The following ROBO2 variants were observed in gnomAD, a reference collection of about 807,000 sequenced individuals.
The protein encoded by ROBO2 is roundabout homolog 2.
A neutral mutation model predicts 160.8 loss-of-function variants in ROBO2; 53 were observed. The observed-to-expected ratio is 0.33, with a 90% confidence interval of 0.26 to 0.41. The LOEUF (loss-of-function observed/expected upper bound fraction) is 0.41. Among genes scored for constraint, ROBO2 ranks in the 10% least tolerant of loss-of-function variants. The probability of loss-of-function intolerance (pLI) is 1.00; values close to 1 mark genes in which losing one functional copy is unlikely to be tolerated. For synonymous variants in ROBO2, 664 were observed against 611.7 expected (o/e 1.09, Z -1.26); for missense variants, 1,577 against 1,722.4 (o/e 0.92, Z 1.49).
In ROBO2 at chr3:77,363,722, G is replaced by A. The variant is rs146813695; in HGVS notation, c.389-113692G>A. Among the ~76,000 whole-genome samples, 230 of 152,316 alleles carry A rather than the reference G, an allele frequency of 1.5e-3. 1 individual carries two copies. The highest frequency in any genetic ancestry group is 3.4e-3 in the Middle Eastern group (1 of 294). The stretch of plus-strand genomic sequence containing the variant: ...AACATTTCTTCCTCCCTGGTATAGG[G>A]CACAGCCCCACTGGAATGAGGGTCT... On this transcript the variant is annotated intron_variant, in intron 2 of 25. Transcript: ENST00000461745.
chr3:76,605,650 G>A (rs932164159), intron 2 of ROBO2, among the ~76,000 whole-genome samples: 2 of 152,136 alleles, frequency 1.3e-5, no homozygotes, highest in African/African-American at 4.8e-5. Context: ...TTGCTTAGAG[G>A]AGGGAGCTGG....
chr3:77,077,464 C>T (rs186738678), intron 1 of ROBO2, among the ~76,000 whole-genome samples: 7 of 151,540 alleles, frequency 4.6e-5, no homozygotes, highest in South Asian at 2.1e-4. Context: ...AATGGATAAA[C>T]GACTTCTGAG....
chr3:76,510,368 A>C (rs2081024209), intron 2 of ROBO2, among the ~76,000 whole-genome samples: 1 of 152,212 alleles, frequency 6.6e-6, no homozygotes, highest in African/African-American at 2.4e-5. Flanking sequence ...CACCATATAC[A>C]ACCTGAGGAA....
chr3:75,975,522 T>C (rs1309112992), intron 2 of ROBO2, among the ~76,000 whole-genome samples: 3 of 151,468 alleles, frequency 2.0e-5, no homozygotes, highest in Non-Finnish European at 3.0e-5. Flanking sequence ...TGATTTTTAT[T>C]AGCATTTCTC....
chr3:77,500,949 A>T (rs948856774), intron 5 of ROBO2, among the ~76,000 whole-genome samples: 7 of 152,168 alleles, frequency 4.6e-5, no homozygotes, highest in Non-Finnish European at 8.8e-5. Context: ...GAAGTCAGAG[A>T]TGCTCTGCTG....
chr3:76,154,603 G>A (rs1304958423), intron 2 of ROBO2, among the ~76,000 whole-genome samples: 2 of 151,994 alleles, frequency 1.3e-5, no homozygotes, highest in Non-Finnish European at 2.9e-5. Flanking sequence ...GGGGAGTAGC[G>A]GAGGAATTGA....
At chr3:76,854,059 TC>T (rs1315984545) in intron 2 of ROBO2, among the ~76,000 whole-genome samples, 12 of 86,720 alleles carry the variant, frequency 1.4e-4, no homozygotes, top group South Asian at 4.0e-4. Context: ...TCTCTCTCTC[TC>T]TCTCTCTTTC....
intron 2 of ROBO2, among the ~76,000 whole-genome samples, chr3:76,196,522 G>T (rs1702269491): frequency 6.6e-6 from 1 of 151,916 alleles, no homozygotes; most frequent in Non-Finnish European, 1.5e-5. Context: ...GTTAGTCTAA[G>T]AAATGAAAAA....
chr3:76,013,405 G>A lies in ROBO2; in HGVS notation c.109+75803G>A, dbSNP rs115752293. 7.3e-3 allele frequency among the ~76,000 whole-genome samples: 1,104 copies of A among 150,500 alleles called. 8 individuals are homozygous for A. The highest frequency in any genetic ancestry group is 0.026 in the African/African-American group (1,044 of 40,848). On this transcript the variant is annotated intron_variant, in intron 2 of 26. Coordinates refer to the ROBO2 transcript ENST00000487694. ...AGGCAATTGACGACTGGGCACGGTG[G>A]CTTATGTGTGTAATCCCAGAAGTAA...
intron 2 of ROBO2, among the ~76,000 whole-genome samples, chr3:76,213,052 C>T (rs1464148975): frequency 1.3e-5 from 2 of 152,078 alleles, no homozygotes; most frequent in Non-Finnish European, 1.5e-5. Flanking sequence ...AACGCATATA[C>T]TACTTGACAG....
At chr3:77,051,609 G>C (rs2149696218) in intron 1 of ROBO2, among the ~76,000 whole-genome samples, 1 of 152,348 alleles carries the variant, frequency 6.6e-6, no homozygotes, top group South Asian at 2.1e-4. Flanking sequence ...TCAGAAAGCA[G>C]TTTTTAAGTT....
chr3:77,057,955 C>T (rs533551536), intron 1 of ROBO2, among the ~76,000 whole-genome samples: 2 of 151,712 alleles, frequency 1.3e-5, no homozygotes, highest in Admixed American at 6.6e-5. Flanking sequence ...CAAAGCTGCA[C>T]GTTCTGCACA....
chr3:77,334,543 A>G (rs2066290691), intron 2 of ROBO2, among the ~76,000 whole-genome samples: 1 of 152,138 alleles, frequency 6.6e-6, no homozygotes, highest in African/African-American at 2.4e-5. Context: ...CATCACATAT[A>G]TGCTTCTCTT....
At chr3:77,358,231 C>G (rs1365472799) in intron 2 of ROBO2, among the ~76,000 whole-genome samples, 1 of 152,134 alleles carries the variant, frequency 6.6e-6, no homozygotes, top group Admixed American at 6.6e-5. Context: ...CTTTCCATGC[C>G]TTTTCCTAGC....
At chr3:75,958,058 G>A (rs1948783198) in intron 2 of ROBO2, among the ~76,000 whole-genome samples, 1 of 151,762 alleles carries the variant, frequency 6.6e-6, no homozygotes, top group Admixed American at 6.6e-5. Flanking sequence ...GTTTGCATGT[G>A]TCATGCTGAT....
intron 2 of ROBO2, among the ~76,000 whole-genome samples, chr3:76,421,590 G>A (rs997216263): frequency 1.3e-5 from 2 of 150,994 alleles, no homozygotes; most frequent in Non-Finnish European, 2.9e-5. Flanking sequence ...GCCGGACATG[G>A]TGGTGCATGC....
chr3:77,089,191 A>G (rs1404810233), intron 1 of ROBO2, among the ~76,000 whole-genome samples: 1 of 152,242 alleles, frequency 6.6e-6, no homozygotes, highest in Non-Finnish European at 1.5e-5. Context: ...GTGGGTAAGA[A>G]GAAAAAGTCA....
intron 2 of ROBO2, among the ~76,000 whole-genome samples, chr3:76,697,890 T>G (rs2092961515): frequency 6.6e-6 from 1 of 152,120 alleles, no homozygotes; most frequent in African/African-American, 2.4e-5. Flanking sequence ...GCAGGTGGCA[T>G]TTGAATAGTA....
chr3:75,956,926 T>C (rs1948741113), intron 2 of ROBO2, among the ~76,000 whole-genome samples: 1 of 151,722 alleles, frequency 6.6e-6, no homozygotes, highest in Non-Finnish European at 1.5e-5. Flanking sequence ...TCTTTCATTG[T>C]TGCTTTTTCT....
Sources: gnomAD v4.1 joint callset for allele counts (sites outside exome capture counted in the v4.1 genomes callset) on GRCh38, gnomAD v4.1.1 for gene constraint, MANE v1.5 for transcripts, NCBI Gene and HGNC (gene_info 2026-07-23, HGNC 2026-07-21) for gene names.